Variants in TRAPPC3 observed in about 807,000 individuals in gnomAD.
The protein encoded by TRAPPC3 is trafficking protein particle complex subunit 3.
In TRAPPC3, 5 loss-of-function variants were observed where a neutral mutation model predicts 18.2. That is an observed-to-expected ratio of 0.28 (90% CI 0.14 to 0.58). TRAPPC3 has a LOEUF of 0.58. Among genes scored for constraint, TRAPPC3 ranks in the 20% least tolerant of loss-of-function variants. The pLI, the probability that TRAPPC3 is intolerant of heterozygous loss-of-function variation, is 0.91. For missense variants in TRAPPC3, 176 were observed against 225.9 expected (o/e 0.78, Z 1.41); for synonymous variants, 65 against 84.2 (o/e 0.77, Z 1.25).
At position 36,137,305 on chromosome 1, in the gene TRAPPC3, C is replaced by T. The variant is rs1368691883; in HGVS notation, c.441G>A (p.Glu147=). The change falls in exon 5 of 5, where the codon GAG becomes GAA. Residue 147 remains glutamate, a synonymous_variant. Transcript: ENST00000373166. ...TCAGGGTGTCCTGGACAAACTTGGCCTCCACAGCCATCTGGACCTGGGGGA... is the reference window on the plus strand; with the variant it reads ...TCAGGGTGTCCTGGACAAACTTGGCTTCCACAGCCATCTGGACCTGGGGGA... ...GALEMVQMAV[E]AKFVQDTLKG... 6.2e-7 allele frequency: 1 copy of T among 1,611,922 alleles called. No homozygotes were observed. Among genetic ancestry groups the T allele is most frequent in the African/African-American group, 1.3e-5 (1 of 74,880 alleles).
At chr1:36,139,333 T>A (rs958096834) in intron 3 of TRAPPC3, 2 of 166,622 alleles carry the variant, frequency 1.2e-5, no homozygotes, top group Non-Finnish European at 2.6e-5. Flanking sequence ...AACTTTTGTA[T>A]TTTTAGTAGA....
In TRAPPC3 at chr1:36,137,132, G is replaced by A. The variant is rs1644036501; in HGVS notation, c.*71C>T. ...GTTCAAGAGTCACTGAGTTCTGGAG[G>A]GCAGAGGGAGCACAGAGGCCTGCTG... On this transcript the variant is annotated 3_prime_UTR_variant, in exon 5 of 5. Coordinates refer to ENST00000373166, the MANE Select transcript of TRAPPC3 (RefSeq NM_014408.5). The A allele has an allele frequency of 3.2e-6, 5 of 1,545,294 alleles. No homozygotes were observed. In the Admixed American group the frequency reaches 5.2e-5, roughly 16 times the overall value.
At chr1:36,141,475 T>C (rs1469749465) in intron 1 of TRAPPC3, among the ~76,000 whole-genome samples, 1 of 152,194 alleles carries the variant, frequency 6.6e-6, no homozygotes, top group African/African-American at 2.4e-5. Flanking sequence ...GAGGACCCAA[T>C]GCTCCTCACG....
At chr1:36,143,416 G>C (rs1053871947) in intron 1 of TRAPPC3, among the ~76,000 whole-genome samples, 2 of 152,198 alleles carry the variant, frequency 1.3e-5, no homozygotes, top group Non-Finnish European at 2.9e-5. Flanking sequence ...TTGAGAAACA[G>C]CGGGAGACTC....
chr1:36,140,883 G>A (rs1476503409), intron 1 of TRAPPC3: 1 of 152,238 alleles, frequency 6.6e-6, no homozygotes, highest in Non-Finnish European at 1.5e-5. Flanking sequence ...GGGGCCAGGA[G>A]CAGTGACTCA....
At chr1:36,149,277 G>A in intron 1 of TRAPPC3, 60 bp downstream of exon 1, 3 of 1,610,250 alleles carry the variant, frequency 1.9e-6, no homozygotes. Flanking sequence ...TCGGCGCCGG[G>A]CCCCTTCCCT....
rs944681624 is a variant in TRAPPC3, at chr1:36,149,473, G to A, written c.-95C>T. ...TAAGCCGCTGCCCCTCAGCCCACAA[G>A]ACCGACCGGCACTGACTCACTGCGC... On this transcript the variant is annotated 5_prime_UTR_variant, in exon 1 of 5. Coordinates refer to ENST00000373166, the MANE Select transcript of TRAPPC3 (RefSeq NM_014408.5). 2.8e-5 allele frequency: 43 copies of A among 1,509,324 alleles called. No individual in the cohort carries two copies. The highest frequency in any genetic ancestry group is 3.6e-5 in the Non-Finnish European group (40 of 1,109,106). The allele number at this position is 1,509,324 out of a possible 1,614,324, so 93.5% of individuals were successfully genotyped here. A position where few individuals can be genotyped will look rare whatever the true frequency, so the allele number is the denominator to read the frequency against.
At chr1:36,153,897 T>G (rs550872313), upstream of TRAPPC3, among the ~76,000 whole-genome samples, 8 of 152,348 alleles carry the variant, frequency 5.3e-5, no homozygotes, top group South Asian at 1.7e-3. Context: ...CTCCCCATGC[T>G]TGTTTCCAAG....
At chr1:36,144,410 G>A (rs375829758) in intron 1 of TRAPPC3, among the ~76,000 whole-genome samples, 2 of 151,806 alleles carry the variant, frequency 1.3e-5, no homozygotes, top group South Asian at 4.2e-4. Context: ...TTTGGGAGGC[G>A]GAGGCAGGGG....
chr1:36,145,345 G>C (rs1339490427), intron 1 of TRAPPC3, among the ~76,000 whole-genome samples: 1 of 152,016 alleles, frequency 6.6e-6, no homozygotes, highest in Non-Finnish European at 1.5e-5. Context: ...CTGATCTTTA[G>C]AGCCAATGCT....
intron 3 of TRAPPC3, chr1:36,138,220 A>G: frequency 6.5e-7 from 1 of 1,545,838 alleles, no homozygotes; most frequent in Non-Finnish European, 8.7e-7. Context: ...TTTCCCAGAA[A>G]CATTTTTCTT....
At chr1:36,152,642 G>T (rs560843120), upstream of TRAPPC3, among the ~76,000 whole-genome samples, 1 of 151,272 alleles carries the variant, frequency 6.6e-6, no homozygotes, top group Non-Finnish European at 1.5e-5. Flanking sequence ...TTTTTTTAAA[G>T]ATTTTTTTTA....
chr1:36,150,027 C>T (rs191701125), upstream of TRAPPC3, among the ~76,000 whole-genome samples: 1 of 152,346 alleles, frequency 6.6e-6, no homozygotes, highest in East Asian at 1.9e-4. Context: ...CACCTGCCTT[C>T]TACCACCTGT....
In TRAPPC3 at chr1:36,139,660, G is replaced by T. The variant is rs900146490; in HGVS notation, c.240+60C>A. 4.4e-6 allele frequency: 7 copies of T among 1,603,346 alleles called. No homozygotes were observed. In the African/African-American group the frequency reaches 5.4e-5, roughly 12 times the overall value. ...CCTCTCTAAGGGAGATAGAAAGAGT[G>T]GTAAGCAGTGCCTCTCAGCAGCAAT... On this transcript the variant is annotated intron_variant, in intron 3 of 4. Coordinates refer to ENST00000373166, the MANE Select transcript of TRAPPC3 (RefSeq NM_014408.5).
chr1:36,150,250 C>G (rs1461916105), upstream of TRAPPC3, among the ~76,000 whole-genome samples: 1 of 152,244 alleles, frequency 6.6e-6, no homozygotes. Context: ...GCCACGCATG[C>G]CCAGCACTTG....
chr1:36,149,922 GCTT>G (rs964015018), upstream of TRAPPC3, among the ~76,000 whole-genome samples: 21 of 152,328 alleles, frequency 1.4e-4, no homozygotes, highest in South Asian at 1.7e-3. Context: ...CACAGAATTG[GCTT>G]CTTCATTAGA....
chr1:36,139,124 A>T, intron 3 of TRAPPC3, among the ~76,000 whole-genome samples: 1 of 150,054 alleles, frequency 6.7e-6, no homozygotes, highest in East Asian at 2.0e-4. Flanking sequence ...ACACAAAACT[A>T]GTAAGTACTG....
chr1:36,153,257 C>G (rs1332460843), upstream of TRAPPC3, among the ~76,000 whole-genome samples: 9 of 152,234 alleles, frequency 5.9e-5, no homozygotes, highest in Non-Finnish European at 7.3e-5. Context: ...GAGAGACACT[C>G]TTAACCCTCT....
chr1:36,137,745 C>G (rs528958836), intron 4 of TRAPPC3, 51 bp downstream of exon 4: 1 of 1,560,028 alleles, frequency 6.4e-7, no homozygotes, highest in African/African-American at 1.4e-5. Context: ...AAACACTTAT[C>G]AAGTCCCTAT....
Sources: allele counts gnomAD v4.1 joint callset (sites outside exome capture counted in the v4.1 genomes callset), GRCh38; gene constraint gnomAD v4.1.1; transcripts MANE v1.5; gene names NCBI Gene and HGNC (gene_info 2026-07-23, HGNC 2026-07-21).